Variants in GLYR1 observed in about 807,000 individuals in gnomAD.
GLYR1 encodes the protein glyoxylate reductase 1 homolog, also known as cytokine-like nuclear factor N-PAC.
GLYR1 carries 21 observed loss-of-function variants against 72.7 expected under a neutral mutation model. The ratio of observed to expected loss-of-function variants is 0.29; its 90% CI spans 0.20 to 0.42. The LOEUF is 0.42. Among genes scored for constraint, GLYR1 ranks in the 10% least tolerant of loss-of-function variants. The pLI, the probability that GLYR1 is intolerant of heterozygous loss-of-function variation, is 1.00. For missense variants in GLYR1, 594 were observed against 712.1 expected (o/e 0.83, Z 1.89); for synonymous variants, 392 against 270.2 (o/e 1.45, Z -4.42).
At chr16:4,827,355 C>T (rs2084449286) in intron 5 of GLYR1, among the ~76,000 whole-genome samples, 1 of 152,164 alleles carries the variant, frequency 6.6e-6, no homozygotes, top group Non-Finnish European at 1.5e-5. Context: ...AGCCCAGGCA[C>T]CGATTCCCTA....
intron 5 of GLYR1, among the ~76,000 whole-genome samples, chr16:4,824,617 T>C (rs1409860872): frequency 9.2e-5 from 14 of 151,918 alleles, no homozygotes; most frequent in Admixed American, 9.2e-4. Context: ...ATTTTACAGC[T>C]ATCATGACAA....
At chr16:4,836,524 C>T (rs1596389878) in intron 3 of GLYR1, among the ~76,000 whole-genome samples, 1 of 152,128 alleles carries the variant, frequency 6.6e-6, no homozygotes, top group African/African-American at 2.4e-5. Flanking sequence ...GAATGAATGA[C>T]ACATTGTGAT....
At chr16:4,825,656 CTTT>C (rs34529919) in intron 5 of GLYR1, among the ~76,000 whole-genome samples, 1 of 147,104 alleles carries the variant, frequency 6.8e-6, no homozygotes, top group Non-Finnish European at 1.5e-5. Flanking sequence ...TTATCATCTT[CTTT>C]TTTTTTTTTT....
Position 4,805,181 on chromosome 16 carries a change from G to T in GLYR1, c.*55C>A. The T allele has an allele frequency of 6.9e-7, 1 of 1,456,200 alleles. No individual in the cohort carries two copies. The highest frequency in any genetic ancestry group is 9.6e-7 in the Non-Finnish European group (1 of 1,039,046). 90.2% of individuals were successfully genotyped at this position (1,456,200 alleles called of 1,614,324 possible). A position where few individuals can be genotyped will look rare whatever the true frequency, so the allele number is the denominator to read the frequency against. On this transcript the variant is annotated 3_prime_UTR_variant, in exon 16 of 16. Transcript: ENST00000321919. ...AACTCCCAGGCCCCCGACCCCATGT[G>T]AGGAAGAGGGGGTCAGAGGGGGGAT...
chr16:4,814,513 T>C, intron 11 of GLYR1, 24 bp downstream of exon 11: 1 of 1,581,242 alleles, frequency 6.3e-7, no homozygotes, highest in Non-Finnish European at 8.7e-7. Context: ...CCGGAGTTGC[T>C]GAGGGGAGGG....
intron 3 of GLYR1, chr16:4,839,611 G>A (rs1033885131): frequency 6.6e-6 from 1 of 152,172 alleles, no homozygotes; most frequent in African/African-American, 2.4e-5. Flanking sequence ...ATCTCGCTCA[G>A]GGAGCCGAAT....
intron 1 of GLYR1, chr16:4,846,904 C>A (rs1377628848): frequency 2.3e-6 from 1 of 428,790 alleles, no homozygotes; most frequent in Non-Finnish European, 4.1e-6. Context: ...CAACAAGACC[C>A]CGGGGACCGG....
At chr16:4,827,938 A>G (rs1207732513) in intron 5 of GLYR1, among the ~76,000 whole-genome samples, 1 of 151,966 alleles carries the variant, frequency 6.6e-6, no homozygotes, top group Non-Finnish European at 1.5e-5. Flanking sequence ...CCAAAAAACG[A>G]ATTGAAGGTT....
At chr16:4,846,281 G>C in intron 1 of GLYR1, 71 bp from the exon 2 acceptor site, 1 of 1,507,190 alleles carries the variant, frequency 6.6e-7, no homozygotes, top group Non-Finnish European at 9.2e-7. Flanking sequence ...CACTCAATAC[G>C]CAATTTATTT....
At chr16:4,841,669 C>G (rs1177444451) in intron 3 of GLYR1, among the ~76,000 whole-genome samples, 1 of 151,662 alleles carries the variant, frequency 6.6e-6, no homozygotes, top group Non-Finnish European at 1.5e-5. Flanking sequence ...ACAACAACAA[C>G]AACAACAAAA....
Position 4,805,189 on chromosome 16 carries a change from G to C in GLYR1, c.*47C>G, listed in dbSNP as rs770052978. On this transcript the variant is annotated 3_prime_UTR_variant, in exon 16 of 16. Transcript: ENST00000321919. ...GGCCCCCGACCCCATGTGAGGAAGA[G>C]GGGGTCAGAGGGGGGATTGGAGGGG... 4.6e-6 allele frequency: 7 copies of C among 1,509,920 alleles called. No homozygotes were observed. The highest frequency in any genetic ancestry group is 1.7e-4 in the Middle Eastern group (1 of 5,874). 93.5% of individuals were successfully genotyped at this position (1,509,920 alleles called of 1,614,324 possible). A position where few individuals can be genotyped will look rare whatever the true frequency, so the allele number is the denominator to read the frequency against.
At chr16:4,822,286 C>T (rs564980523) in intron 7 of GLYR1, among the ~76,000 whole-genome samples, 55 of 152,032 alleles carry the variant, frequency 3.6e-4, no homozygotes, top group African/African-American at 1.2e-3. Flanking sequence ...GGGGTTTCAC[C>T]ATGTTGGCCA....
At chr16:4,814,956 C>G (rs980944274) in intron 10 of GLYR1, among the ~76,000 whole-genome samples, 5 of 152,216 alleles carry the variant, frequency 3.3e-5, no homozygotes, top group African/African-American at 1.2e-4. Context: ...GCTGTGCTGT[C>G]CTGGCTGTGG....
At chr16:4,811,888 C>A in intron 13 of GLYR1, 86 bp from the exon 14 acceptor site, 1 of 1,491,698 alleles carries the variant, frequency 6.7e-7, no homozygotes, top group East Asian at 2.4e-5. Flanking sequence ...CTCAGACCCA[C>A]CTCTCTCCAG....
rs1431449225 is a variant in GLYR1, at chr16:4,831,978, CCTT to C, written c.535_537del (p.Lys179del). The stretch of plus-strand genomic sequence containing the variant: ...CCGGAAGCTGCAGAGAGAAAACAAA[CCTT>C]CTCATCCTTTGGGGGCCGACCCCGC... On this transcript the variant is annotated inframe_deletion and splice_region_variant, in exon 5 of 16. Coordinates refer to ENST00000321919, the MANE Select transcript of GLYR1 (RefSeq NM_032569.4). The C allele has an allele frequency of 1.4e-5, 23 of 1,611,780 alleles. No homozygotes were observed. In the Admixed American group the frequency reaches 2.4e-4, roughly 16 times the overall value.
chr16:4,832,031 C>T lies in GLYR1; in HGVS notation c.485G>A (p.Arg162Lys), dbSNP rs778724300. 1.2e-6 allele frequency: 2 copies of T among 1,614,210 alleles called. No homozygotes were observed. The highest frequency in any genetic ancestry group is 3.3e-5 in the Admixed American group (2 of 60,022). Residue 162 changes from arginine to lysine, a missense_variant, in exon 5 of 16, where the codon AGA becomes AAA. Arg to Lys is a conservative substitution (Grantham distance 26). Around this residue, in one of 5 missense-constraint regions of GLYR1, gnomAD observed 252 missense variants for 211.3 expected, o/e 1.19. Transcript: ENST00000321919. ...CTTCCGGGGACTTTGCTCTTGGGCT[C>T]TTTTCAGAGGGGATTTGGAGCCTCT... is the stretch of plus-strand genomic sequence containing the variant. ...SERGSKSPLK[R>K]AQEQSPRKRG...
rs1243249202 is a variant in GLYR1, at chr16:4,804,581, C to T, written c.*655G>A. On this transcript the variant is annotated 3_prime_UTR_variant, in exon 16 of 16. Coordinates refer to ENST00000321919, the MANE Select transcript of GLYR1 (RefSeq NM_032569.4). ...GCCAGGGCCCCATCTTCTCGGGACT[C>T]TGCCAGTCTCTTTTCAGTTCACAAA... The T allele has an allele frequency of 6.5e-6, 1 of 152,866 alleles. No individual in the cohort carries two copies. Among genetic ancestry groups the T allele is most frequent in the Non-Finnish European group, 1.5e-5 (1 of 68,256 alleles). 9.5% of individuals were successfully genotyped at this position (152,866 alleles called of 1,614,324 possible).
At chr16:4,831,578 G>A (rs760349155) in intron 5 of GLYR1, among the ~76,000 whole-genome samples, 1 of 152,340 alleles carries the variant, frequency 6.6e-6, no homozygotes, top group African/African-American at 2.4e-5. Flanking sequence ...CAGCCCTTGT[G>A]CACCGGCTCA....
chr16:4,825,221 G>A (rs1230997748), intron 5 of GLYR1, among the ~76,000 whole-genome samples: 1 of 152,166 alleles, frequency 6.6e-6, no homozygotes, highest in Admixed American at 6.5e-5. Context: ...GGCTTCATGA[G>A]CATGGTCTAC....
Sources: gnomAD v4.1 joint callset for allele counts (sites outside exome capture counted in the v4.1 genomes callset) on GRCh38, gnomAD v4.1.1 for gene constraint, gnomAD v4.1.1 regional missense constraint, MANE v1.5 for transcripts, NCBI Gene and HGNC (gene_info 2026-07-23, HGNC 2026-07-21) for gene names.